The following SLC35F1 variants were observed in gnomAD, a reference collection of about 807,000 sequenced individuals.
SLC35F1 encodes solute carrier family 35 member F1, also known as chromosome 6 open reading frame 169.
A neutral mutation model predicts 48.7 loss-of-function variants in SLC35F1; 14 were observed. That is an observed-to-expected ratio of 0.29 (90% CI 0.19 to 0.45). The LOEUF is 0.45. Among genes scored for constraint, SLC35F1 ranks in the 20% least tolerant of loss-of-function variants. The probability of loss-of-function intolerance (pLI) is 1.00; values close to 1 mark genes in which losing one functional copy is unlikely to be tolerated. For synonymous variants in SLC35F1, 190 were observed against 202.2 expected (o/e 0.94, Z 0.51); for missense variants, 404 against 500.0 (o/e 0.81, Z 1.83).
At chr6:118,007,533 A>G (rs1011669476) in intron 1 of SLC35F1, among the ~76,000 whole-genome samples, 1 of 152,164 alleles carries the variant, frequency 6.6e-6, no homozygotes, top group Non-Finnish European at 1.5e-5. Flanking sequence ...CCTGAGTTCA[A>G]TCATTGTAAA....
chr6:118,251,326 AT>A (rs1232506227), intron 3 of SLC35F1, among the ~76,000 whole-genome samples: 283 of 147,262 alleles, frequency 1.9e-3, no homozygotes, highest in Admixed American at 4.7e-3. Flanking sequence ...TGTTTTTTAA[AT>A]TTTTTTTTTT....
At chr6:118,038,525 T>C (rs1478819067) in intron 1 of SLC35F1, among the ~76,000 whole-genome samples, 1 of 145,970 alleles carries the variant, frequency 6.9e-6, no homozygotes, top group African/African-American at 2.5e-5. Flanking sequence ...GAGGTGTCTT[T>C]CCATTTATTT....
At chr6:118,309,200 T>C (rs1436886420) in intron 7 of SLC35F1, among the ~76,000 whole-genome samples, 4 of 150,014 alleles carry the variant, frequency 2.7e-5, no homozygotes, top group Non-Finnish European at 5.9e-5. Flanking sequence ...TGTGTGTGTG[T>C]GTGCGTGTGT....
chr6:117,924,043 A>C (rs1775984651), intron 1 of SLC35F1, among the ~76,000 whole-genome samples: 1 of 149,850 alleles, frequency 6.7e-6, no homozygotes, highest in Non-Finnish European at 1.5e-5. Flanking sequence ...ATAGGTACAC[A>C]TGCATATGTA....
chr6:118,103,170 TTAAAAGTTGATGGC>T (rs544198705), intron 1 of SLC35F1, among the ~76,000 whole-genome samples: 31 of 152,338 alleles, frequency 2.0e-4, no homozygotes, highest in African/African-American at 7.2e-4. Flanking sequence ...ATCATCAACC[TTAAAAGTTGATGGC>T]TAATTTGTCT....
At chr6:118,098,639 T>C (rs1272555216) in intron 1 of SLC35F1, among the ~76,000 whole-genome samples, 1 of 152,186 alleles carries the variant, frequency 6.6e-6, no homozygotes, top group Non-Finnish European at 1.5e-5. Context: ...ACACCTTGCA[T>C]GGCTTTCCAG....
At chr6:117,984,489 G>T (rs1162289921) in intron 1 of SLC35F1, among the ~76,000 whole-genome samples, 1 of 135,526 alleles carries the variant, frequency 7.4e-6, no homozygotes, top group Non-Finnish European at 1.5e-5. Context: ...GCAAGACTCG[G>T]TCTCAAAAAA....
chr6:117,915,337 T>A (rs1238257764), intron 1 of SLC35F1, among the ~76,000 whole-genome samples: 1 of 152,248 alleles, frequency 6.6e-6, no homozygotes, highest in Admixed American at 6.5e-5. Context: ...AGTATTCTTA[T>A]CCTTTTCTAG....
At chr6:118,048,735 C>T (rs1772338137) in intron 1 of SLC35F1, among the ~76,000 whole-genome samples, 1 of 152,176 alleles carries the variant, frequency 6.6e-6, no homozygotes. Context: ...AATGGAAGAA[C>T]ATTCCATGCT....
chr6:118,103,716 C>T (rs11964013), intron 1 of SLC35F1, among the ~76,000 whole-genome samples: 9,802 of 152,238 alleles, frequency 0.064, 850 homozygotes, highest in African/African-American at 0.19. Context: ...CAGGAAAGAG[C>T]GGACTTTTGA....
chr6:118,273,188 G>A (rs1051523659), intron 4 of SLC35F1, among the ~76,000 whole-genome samples: 5 of 152,120 alleles, frequency 3.3e-5, no homozygotes, highest in Admixed American at 2.6e-4. Flanking sequence ...AAGTACTGAT[G>A]AGTATATTTC....
At chr6:118,096,502 T>C (rs78474394) in intron 1 of SLC35F1, among the ~76,000 whole-genome samples, 2,763 of 152,282 alleles carry the variant, frequency 0.018, 92 homozygotes, top group African/African-American at 0.063. Context: ...GATTGGGTAT[T>C]CAGTTTTGGC....
intron 6 of SLC35F1, 110 bp from the exon 7 acceptor site, chr6:118,285,074 C>A: frequency 8.8e-7 from 1 of 1,138,578 alleles, no homozygotes; most frequent in Non-Finnish European, 1.3e-6. Context: ...AGAGAAACTG[C>A]CTTGTGTGAG....
intron 1 of SLC35F1, among the ~76,000 whole-genome samples, chr6:118,081,977 G>A (rs986373693): frequency 2.5e-4 from 38 of 152,304 alleles, no homozygotes; most frequent in Admixed American, 4.6e-4. Flanking sequence ...GAAAATTTCC[G>A]TTAATCTGTA....
chr6:118,304,380 A>AAAG (rs1554246546), intron 7 of SLC35F1, among the ~76,000 whole-genome samples: 45 of 83,390 alleles, frequency 5.4e-4, no homozygotes, highest in African/African-American at 2.2e-3. Context: ...AAAAAAAAAA[A>AAAG]AAGAAGAAGA....
chr6:117,971,979 T>A (rs1582593410), intron 1 of SLC35F1, among the ~76,000 whole-genome samples: 1 of 152,352 alleles, frequency 6.6e-6, no homozygotes, highest in Middle Eastern at 3.4e-3. Context: ...TTTTGCAAAT[T>A]TCTCCAGCTG....
At chr6:117,946,661 T>C (rs1438288391) in intron 1 of SLC35F1, among the ~76,000 whole-genome samples, 1 of 152,202 alleles carries the variant, frequency 6.6e-6, no homozygotes, top group Non-Finnish European at 1.5e-5. Context: ...CTGTGCTTTT[T>C]TACATTACCA....
At chr6:117,914,134 CT>C (rs901675944) in intron 1 of SLC35F1, among the ~76,000 whole-genome samples, 14 of 150,248 alleles carry the variant, frequency 9.3e-5, no homozygotes, top group Non-Finnish European at 1.6e-4. Flanking sequence ...ATCTATCTAT[CT>C]ATCTGTCTAT....
intron 2 of SLC35F1, among the ~76,000 whole-genome samples, chr6:118,160,626 G>T (rs1774216265): frequency 6.6e-6 from 1 of 152,130 alleles, no homozygotes; most frequent in Non-Finnish European, 1.5e-5. Flanking sequence ...AGAGGTCTAG[G>T]TTCAAATGTT....
Sources: allele counts gnomAD v4.1 joint callset (sites outside exome capture counted in the v4.1 genomes callset), GRCh38; gene constraint gnomAD v4.1.1; transcripts MANE v1.5; gene names NCBI Gene and HGNC (gene_info 2026-07-23, HGNC 2026-07-21).